AIG1: variants seen among roughly 807,000 people sequenced by gnomAD.
The protein encoded by AIG1 is androgen induced 1, also known as androgen-induced gene 1 protein.
A neutral mutation model predicts 31.4 loss-of-function variants in AIG1; 23 were observed. The observed-to-expected ratio is 0.73, with a 90% CI of 0.53 to 1.04. The LOEUF (loss-of-function observed/expected upper bound fraction) is 1.04. Ranked by LOEUF, AIG1 falls within the 50% of genes least tolerant of loss-of-function variation. The pLI is 0.00. For missense variants in AIG1, 274 were observed against 295.0 expected (o/e 0.93, Z 0.52); for synonymous variants, 100 against 110.5 (o/e 0.90, Z 0.60).
chr6:143,283,518 T>C (rs377534822), intron 3 of AIG1, among the ~76,000 whole-genome samples: 5 of 152,394 alleles, frequency 3.3e-5, no homozygotes, highest in Admixed American at 1.3e-4. Flanking sequence ...ATGTTCATCA[T>C]GATGTTTTTA....
intron 3 of AIG1, among the ~76,000 whole-genome samples, chr6:143,253,146 G>A (rs1471579734): frequency 5.3e-5 from 8 of 152,196 alleles, no homozygotes; most frequent in Admixed American, 6.5e-5. Context: ...AGCCGCACTC[G>A]AGGGCATGAA....
At chr6:143,319,833 T>C (rs1478235295) in intron 4 of AIG1, among the ~76,000 whole-genome samples, 1 of 151,926 alleles carries the variant, frequency 6.6e-6, no homozygotes, top group Non-Finnish European at 1.5e-5. Context: ...AACGATTATA[T>C]GCCAAAAAAC....
chr6:143,086,329 T>A (rs1309256335), intron 1 of AIG1, among the ~76,000 whole-genome samples: 4 of 152,174 alleles, frequency 2.6e-5, no homozygotes, highest in East Asian at 1.9e-4. Context: ...TAGGGCACAC[T>A]TTTTTTCTTT....
intron 1 of AIG1, among the ~76,000 whole-genome samples, chr6:143,088,445 C>T (rs537791262): frequency 1.3e-5 from 2 of 152,300 alleles, no homozygotes; most frequent in East Asian, 3.9e-4. Flanking sequence ...CTGGTGCACT[C>T]AAAGTGGGTA....
At position 143,340,915 on chromosome 6, in the gene AIG1, CCATT is replaced by C. The variant is rs201534880; in HGVS notation, c.*1242_*1245del. On this transcript the variant is annotated 3_prime_UTR_variant, in exon 6 of 6. Transcript: ENST00000357847. ...AGAGAGATCAACAAATGATATAAAA[CCATT>C]CACTCCAAAATTATAATTACATTTT... Among the ~76,000 whole-genome samples the C allele has an allele frequency of 7.6e-3, 1,161 of 151,920 alleles. 37 individuals carry two copies. The highest frequency in any genetic ancestry group is 0.048 in the Admixed American group (737 of 15,284).
chr6:143,313,603 A>G (rs1245092744), intron 4 of AIG1, among the ~76,000 whole-genome samples: 5 of 152,092 alleles, frequency 3.3e-5, no homozygotes, highest in African/African-American at 1.2e-4. Context: ...ATTAAAGGGT[A>G]CAACAATAAA....
intron 3 of AIG1, among the ~76,000 whole-genome samples, chr6:143,242,757 G>C (rs1258972373): frequency 6.6e-6 from 1 of 152,190 alleles, no homozygotes; most frequent in African/African-American, 2.4e-5. Flanking sequence ...GAAAATCCAA[G>C]AAAGATAAAC....
At chr6:143,304,825 G>A (rs915122839) in intron 4 of AIG1, among the ~76,000 whole-genome samples, 3 of 152,084 alleles carry the variant, frequency 2.0e-5, no homozygotes, top group African/African-American at 4.8e-5. Flanking sequence ...TTGTACCTCT[G>A]GTAGAATTCG....
intron 2 of AIG1, among the ~76,000 whole-genome samples, chr6:143,142,286 C>A (rs1784306741): frequency 6.6e-6 from 1 of 152,138 alleles, no homozygotes; most frequent in African/African-American, 2.4e-5. Flanking sequence ...ATTTCCCAGG[C>A]TGGTCTTGAA....
chr6:143,077,473 T>C (rs1454623351), intron 1 of AIG1, among the ~76,000 whole-genome samples: 2 of 152,240 alleles, frequency 1.3e-5, no homozygotes, highest in Non-Finnish European at 2.9e-5. Flanking sequence ...TATAAAGTTC[T>C]GGTTAGCAGT....
chr6:143,060,737 G>T (rs1029325561), upstream of AIG1: 1 of 237,694 alleles, frequency 4.2e-6, no homozygotes, highest in Admixed American at 5.3e-5. Flanking sequence ...GGCCAGTACA[G>T]GTCACCCGGG....
intron 1 of AIG1, among the ~76,000 whole-genome samples, chr6:143,080,043 G>A (rs906231074): frequency 2.6e-5 from 4 of 151,604 alleles, no homozygotes; most frequent in African/African-American, 9.8e-5. Flanking sequence ...CAAGCCCTGT[G>A]TTTAAAGGTA....
intron 2 of AIG1, among the ~76,000 whole-genome samples, chr6:143,138,403 A>G (rs1783942750): frequency 6.6e-6 from 1 of 152,226 alleles, no homozygotes; most frequent in Admixed American, 6.5e-5. Context: ...TTCTGCATAA[A>G]AGAATTATCT....
In AIG1 at chr6:143,329,095, G is replaced by A. The variant is rs1482497354; in HGVS notation, c.516-4187G>A. ...GACAAGTGGATGCATCATTCACACT[G>A]ATCCAGGTGAAACCCCAAATAACAG... On this transcript the variant is annotated intron_variant, in intron 4 of 5. Transcript: ENST00000357847. This position sits in a 1 kb window ranked among gnomAD's most constrained non-coding sequence, Gnocchi z 4.9. 6.6e-6 allele frequency among the ~76,000 whole-genome samples: 1 copy of A among 152,216 alleles called. No homozygotes were observed. Among genetic ancestry groups the A allele is most frequent in the Admixed American group, 6.5e-5 (1 of 15,284 alleles).
chr6:143,143,856 G>T (rs1168268078), intron 2 of AIG1, among the ~76,000 whole-genome samples: 1 of 151,980 alleles, frequency 6.6e-6, no homozygotes, highest in South Asian at 2.1e-4. Flanking sequence ...AGATCAATAA[G>T]GAAAATGAGC....
At chr6:143,315,436 A>G (rs530459240) in intron 4 of AIG1, among the ~76,000 whole-genome samples, 1 of 152,298 alleles carries the variant, frequency 6.6e-6, no homozygotes, top group South Asian at 2.1e-4. Context: ...GTAAAGCTAC[A>G]GTAATCAAGA....
At chr6:143,065,449 G>A (rs899780983) in intron 1 of AIG1, among the ~76,000 whole-genome samples, 1 of 150,232 alleles carries the variant, frequency 6.7e-6, no homozygotes, top group Non-Finnish European at 1.5e-5. Flanking sequence ...CAATATCACA[G>A]CTGATGAATT....
chr6:143,276,571 T>C (rs1297227925), intron 3 of AIG1, among the ~76,000 whole-genome samples: 7 of 152,138 alleles, frequency 4.6e-5, no homozygotes, highest in Non-Finnish European at 8.8e-5. Flanking sequence ...GCCATGCTGA[T>C]AGGTAGCACC....
rs574371582 is a variant in AIG1 at position 143,289,031 on chromosome 6, T to A, written c.515+4806T>A. Among the ~76,000 whole-genome samples, 4 of 152,288 alleles carry A rather than the reference T, an allele frequency of 2.6e-5. No individual in the cohort carries two copies. In the South Asian group the frequency reaches 8.3e-4, roughly 32 times the overall value. On this transcript the variant is annotated intron_variant, in intron 4 of 5. Coordinates refer to ENST00000357847, the MANE Select transcript of AIG1 (RefSeq NM_016108.4). ...GTTGTGGAGACCAAGGTTCTTGTTATGTAGATGAAGCCTCATACGTGGCAG... is the reference window on the plus strand; with the variant it reads ...GTTGTGGAGACCAAGGTTCTTGTTAAGTAGATGAAGCCTCATACGTGGCAG...
Sources: gnomAD v4.1 joint callset for allele counts (sites outside exome capture counted in the v4.1 genomes callset) on GRCh38, gnomAD v4.1.1 for gene constraint, Gnocchi (gnomAD v3.1) non-coding constraint, MANE v1.5 for transcripts, NCBI Gene and HGNC (gene_info 2026-07-23, HGNC 2026-07-21) for gene names.